Variants in SLC8A1 observed in about 807,000 individuals in gnomAD.
SLC8A1 encodes sodium/calcium exchanger 1.
In SLC8A1, 18 loss-of-function variants were observed where a neutral mutation model predicts 68.3. The ratio of observed to expected loss-of-function variants is 0.26; its 90% CI spans 0.18 to 0.39. SLC8A1 has a LOEUF of 0.39. Among genes scored for constraint, SLC8A1 ranks in the 10% least tolerant of loss-of-function variants. The probability of loss-of-function intolerance (pLI) is 1.00; values close to 1 mark genes in which losing one functional copy is unlikely to be tolerated. For synonymous variants in SLC8A1, 475 were observed against 415.5 expected (o/e 1.14, Z -1.74); for missense variants, 985 against 1,156.7 (o/e 0.85, Z 2.15).
rs1553407546 is a variant in SLC8A1, at chr2:40,200,173, G to GAGATATATATATATATATAT, written c.1809-22319_1809-22318insATATATATATATATATATCT. Among the ~76,000 whole-genome samples, 2 of 4,754 alleles carry GAGATATATATATATATATAT rather than the reference G, an allele frequency of 4.2e-4. 1 individual carries two copies. Among genetic ancestry groups the GAGATATATATATATATATAT allele is most frequent in the Non-Finnish European group, 1.6e-3 (2 of 1,276 alleles). The allele number at this position is 4,754 out of a possible 152,430, so 3.1% of individuals were successfully genotyped here. ...AGCACATAGAGGATTTCAAGTCATTGATATATATATATATATATTTATATA... is the reference window on the plus strand; with the variant it reads ...AGCACATAGAGGATTTCAAGTCATTGAGATATATATATATATATATATATATATATATATATATTTATATA... On this transcript the variant is annotated intron_variant, in intron 2 of 7. Coordinates refer to ENST00000406785, the Ensembl canonical transcript of SLC8A1.
intron 2 of SLC8A1, among the ~76,000 whole-genome samples, chr2:40,375,112 T>C (rs1186838533): frequency 6.6e-6 from 1 of 152,086 alleles, no homozygotes; most frequent in Non-Finnish European, 1.5e-5. Flanking sequence ...GGTAAGTTGA[T>C]GCTGTGTTTG....
At chr2:40,406,281 C>G (rs761868888) in intron 2 of SLC8A1, among the ~76,000 whole-genome samples, 1 of 152,142 alleles carries the variant, frequency 6.6e-6, no homozygotes, top group Non-Finnish European at 1.5e-5. Flanking sequence ...TAGAATGTAT[C>G]ACTGTTCTTG....
chr2:40,270,089 A>G (rs574004220), intron 2 of SLC8A1, among the ~76,000 whole-genome samples: 11 of 152,294 alleles, frequency 7.2e-5, no homozygotes, highest in African/African-American at 2.4e-4. Flanking sequence ...GCTCTCATGT[A>G]AGCTATGCTA....
chr2:40,176,740 A>G (rs948988995), intron 3 of SLC8A1, among the ~76,000 whole-genome samples: 30 of 152,200 alleles, frequency 2.0e-4, no homozygotes, highest in African/African-American at 7.2e-4. Context: ...TACTTGTAAA[A>G]GCATAAATTT....
intron 2 of SLC8A1, among the ~76,000 whole-genome samples, chr2:40,394,586 T>C (rs1248955920): frequency 1.3e-5 from 2 of 152,090 alleles, no homozygotes; most frequent in African/African-American, 4.8e-5. Flanking sequence ...GGATGCCTAC[T>C]ACATATTTAT....
chr2:40,301,356 C>T (rs945260422), intron 2 of SLC8A1, among the ~76,000 whole-genome samples: 1 of 152,168 alleles, frequency 6.6e-6, no homozygotes, highest in Non-Finnish European at 1.5e-5. Flanking sequence ...AGTATTAGAA[C>T]ATAAATATGA....
chr2:40,445,456 GAA>G (rs1701275124), intron 1 of SLC8A1, among the ~76,000 whole-genome samples: 5 of 151,974 alleles, frequency 3.3e-5, no homozygotes, highest in African/African-American at 1.2e-4. Context: ...GAAAGAAAAA[GAA>G]AAAGAAAAAG....
intron 2 of SLC8A1, among the ~76,000 whole-genome samples, chr2:40,361,983 C>A (rs1168222494): frequency 1.4e-5 from 2 of 138,696 alleles, no homozygotes; most frequent in Non-Finnish European, 3.0e-5. Flanking sequence ...GCAACCTCTG[C>A]CTCCGGGTTC....
intron 7 of SLC8A1, among the ~76,000 whole-genome samples, chr2:40,136,764 G>A (rs535623231): frequency 6.6e-6 from 1 of 152,220 alleles, no homozygotes; most frequent in East Asian, 1.9e-4. Flanking sequence ...TGAATCAGCA[G>A]GGTCAAAAAA....
At chr2:40,231,496 CTTTTT>C (rs534560753) in intron 2 of SLC8A1, among the ~76,000 whole-genome samples, 7 of 151,898 alleles carry the variant, frequency 4.6e-5, no homozygotes, top group African/African-American at 1.5e-4. Context: ...TTTTCACACT[CTTTTT>C]TTTATTTTCT....
At chr2:40,335,778 A>C (rs1665770513) in intron 2 of SLC8A1, among the ~76,000 whole-genome samples, 1 of 152,240 alleles carries the variant, frequency 6.6e-6, no homozygotes, top group Non-Finnish European at 1.5e-5. Context: ...ATGTGTTTTG[A>C]GGCTCTGCCT....
At chr2:40,308,270 A>T (rs1280126750) in intron 2 of SLC8A1, among the ~76,000 whole-genome samples, 2 of 152,210 alleles carry the variant, frequency 1.3e-5, no homozygotes, top group Non-Finnish European at 2.9e-5. Flanking sequence ...GGAGTGATAT[A>T]AACTTAATAG....
chr2:40,176,447 G>C (rs1321788073), intron 3 of SLC8A1, among the ~76,000 whole-genome samples: 1 of 152,058 alleles, frequency 6.6e-6, no homozygotes, highest in Non-Finnish European at 1.5e-5. Flanking sequence ...GAGGCATTTT[G>C]GATCCCATCT....
chr2:40,351,110 G>C (rs2149445120), intron 2 of SLC8A1, among the ~76,000 whole-genome samples: 1 of 152,128 alleles, frequency 6.6e-6, no homozygotes, highest in East Asian at 1.9e-4. Context: ...TTTTATCTGG[G>C]AATGGGATCA....
intron 1 of SLC8A1, among the ~76,000 whole-genome samples, chr2:40,482,659 A>T (rs79107971): frequency 6.6e-6 from 1 of 152,178 alleles, no homozygotes; most frequent in African/African-American, 2.4e-5. Flanking sequence ...ATTTGAATCC[A>T]GACAGCCTGT....
intron 6 of SLC8A1, among the ~76,000 whole-genome samples, chr2:40,144,730 A>T (rs1459364115): frequency 1.3e-5 from 2 of 152,210 alleles, no homozygotes; most frequent in African/African-American, 2.4e-5. Flanking sequence ...GAAATAAAAC[A>T]ATCAGGTAAA....
intron 2 of SLC8A1, among the ~76,000 whole-genome samples, chr2:40,246,152 A>G (rs1290651614): frequency 2.0e-5 from 3 of 152,210 alleles, no homozygotes; most frequent in African/African-American, 7.2e-5. Context: ...ATAGAAGATG[A>G]AATGGAAAAA....
intron 2 of SLC8A1, among the ~76,000 whole-genome samples, chr2:40,238,140 G>T (rs1050415373): frequency 6.6e-6 from 1 of 152,200 alleles, no homozygotes; most frequent in African/African-American, 2.4e-5. Flanking sequence ...CACCCAGTTC[G>T]AGCTTCCCGG....
At chr2:40,348,828 C>A (rs1473379376) in intron 2 of SLC8A1, among the ~76,000 whole-genome samples, 2 of 152,160 alleles carry the variant, frequency 1.3e-5, no homozygotes, top group African/African-American at 4.8e-5. Flanking sequence ...TCCCCACAGT[C>A]GTAACACATG....
Sources: gnomAD v4.1 joint callset for allele counts (sites outside exome capture counted in the v4.1 genomes callset) on GRCh38, gnomAD v4.1.1 for gene constraint, MANE v1.5 for transcripts, NCBI Gene and HGNC (gene_info 2026-07-23, HGNC 2026-07-21) for gene names.